The following CDC14A variants were observed in gnomAD, a reference collection of about 807,000 sequenced individuals.
CDC14A encodes dual specificity protein phosphatase CDC14A.
In CDC14A, 53 loss-of-function variants were observed where a neutral mutation model predicts 74.4. That is an observed-to-expected ratio of 0.71 (90% CI 0.57 to 0.89). CDC14A has a LOEUF of 0.89. CDC14A is among the 40% of genes least tolerant of loss of function. The pLI, the probability that CDC14A is intolerant of heterozygous loss-of-function variation, is 0.00. For synonymous variants in CDC14A, 247 were observed against 258.4 expected (o/e 0.96, Z 0.43); for missense variants, 646 against 713.7 (o/e 0.91, Z 1.08).
Position 100,494,837 on chromosome 1 carries a change from A to C in CDC14A, c.1157A>C (p.Asp386Ala). 6.2e-7 allele frequency: 1 copy of C among 1,610,268 alleles called. No individual in the cohort carries two copies. Among genetic ancestry groups the C allele is most frequent in the Non-Finnish European group, 8.5e-7 (1 of 1,176,852 alleles). ...TTCCAGGATAACTTAGAAGATGATGATGTGGAAATGAAAAATGGTATAACC... is the reference window on the plus strand; with the variant it reads ...TTCCAGGATAACTTAGAAGATGATGCTGTGGAAATGAAAAATGGTATAACC... ...RFGEDNLEDD[D>A]VEMKNGITQG... Residue 386 changes from aspartate (D) to alanine (A), a missense_variant, in exon 12 of 16, where the codon GAT becomes GCT. Coordinates refer to ENST00000336454, the MANE Select transcript of CDC14A (RefSeq NM_003672.4).
intron 2 of CDC14A, among the ~76,000 whole-genome samples, chr1:100,374,727 CAT>C (rs1654998895): frequency 6.6e-6 from 1 of 152,054 alleles, no homozygotes; most frequent in Non-Finnish European, 1.5e-5. Context: ...AATGTAATGA[CAT>C]AGTTATGATA....
chr1:100,393,223 C>G, intron 4 of CDC14A: 1 of 1,589,006 alleles, frequency 6.3e-7, no homozygotes, highest in Non-Finnish European at 8.6e-7. Context: ...CAGTTTAAAT[C>G]TTGAATATGT....
At chr1:100,495,022 G>A in intron 12 of CDC14A, 92 bp downstream of exon 12, 2 of 682,334 alleles carry the variant, frequency 2.9e-6, no homozygotes, top group Non-Finnish European at 5.0e-6. Flanking sequence ...CTTCTGTTTT[G>A]AATTTTGTTC....
chr1:100,345,999 T>G (rs1279647414), intron 1 of CDC14A, among the ~76,000 whole-genome samples: 2 of 151,964 alleles, frequency 1.3e-5, no homozygotes, highest in Non-Finnish European at 2.9e-5. Flanking sequence ...AGTGAAACCC[T>G]GTCTCTACTA....
At chr1:100,401,209 ATTAT>A (rs1488794228) in intron 4 of CDC14A, among the ~76,000 whole-genome samples, 1 of 152,200 alleles carries the variant, frequency 6.6e-6, no homozygotes, top group Non-Finnish European at 1.5e-5. Context: ...AGCACTTGAA[ATTAT>A]TTATTTACCA....
intron 4 of CDC14A, among the ~76,000 whole-genome samples, chr1:100,410,376 C>A (rs947032052): frequency 6.6e-6 from 1 of 152,150 alleles, no homozygotes; most frequent in South Asian, 2.1e-4. Flanking sequence ...GGCTGGTGTG[C>A]GGTGGCACAA....
intron 5 of CDC14A, among the ~76,000 whole-genome samples, chr1:100,435,048 G>A (rs991412874): frequency 6.6e-6 from 1 of 152,198 alleles, no homozygotes; most frequent in Non-Finnish European, 1.5e-5. Flanking sequence ...TTGAGGTGGG[G>A]CCCAGCAGCC....
At chr1:100,352,365 C>A, upstream of CDC14A, 1 of 662,614 alleles carries the variant, frequency 1.5e-6, no homozygotes. Flanking sequence ...AGGAGCGGGG[C>A]TGTCCCTTTA....
At chr1:100,431,975 AT>A (rs1474642705) in intron 5 of CDC14A, among the ~76,000 whole-genome samples, 4 of 152,106 alleles carry the variant, frequency 2.6e-5, no homozygotes, top group Non-Finnish European at 5.9e-5. Flanking sequence ...TATTCTGCTG[AT>A]TTCAGGTGAC....
At chr1:100,487,350 G>A (rs143811504) in intron 11 of CDC14A, among the ~76,000 whole-genome samples, 2 of 152,230 alleles carry the variant, frequency 1.3e-5, no homozygotes, top group African/African-American at 2.4e-5. Context: ...CTTGAGGTCA[G>A]GAGTTTGAGA....
chr1:100,429,441 T>C (rs898196553), intron 5 of CDC14A, among the ~76,000 whole-genome samples: 1 of 150,836 alleles, frequency 6.6e-6, no homozygotes, highest in African/African-American at 2.4e-5. Flanking sequence ...TTTAGTTTTT[T>C]CCTAAAGCTT....
intron 4 of CDC14A, among the ~76,000 whole-genome samples, chr1:100,406,797 G>T (rs1659999019): frequency 1.3e-5 from 2 of 151,930 alleles, no homozygotes; most frequent in African/African-American, 4.8e-5. Context: ...TTGGTGGTGG[G>T]TGCCTGTAAT....
At chr1:100,392,116 T>C (rs1247009790) in intron 4 of CDC14A, among the ~76,000 whole-genome samples, 2 of 152,178 alleles carry the variant, frequency 1.3e-5, no homozygotes, top group African/African-American at 4.8e-5. Context: ...TTCCTTTCAG[T>C]TCTTAGGATA....
At chr1:100,471,394 A>G (rs1668383441) in intron 10 of CDC14A, among the ~76,000 whole-genome samples, 1 of 152,182 alleles carries the variant, frequency 6.6e-6, no homozygotes, top group South Asian at 2.1e-4. Flanking sequence ...GCCTTAAACA[A>G]TTAGAAAATA....
At chr1:100,415,275 A>G (rs1661391105) in intron 4 of CDC14A, among the ~76,000 whole-genome samples, 1 of 152,200 alleles carries the variant, frequency 6.6e-6, no homozygotes, top group African/African-American at 2.4e-5. Flanking sequence ...TCAAATAAAT[A>G]AAGTCTGCTG....
intron 5 of CDC14A, among the ~76,000 whole-genome samples, chr1:100,438,065 T>TA (rs1043954465): frequency 1.3e-5 from 2 of 152,118 alleles, no homozygotes; most frequent in African/African-American, 4.8e-5. Context: ...ATGTTGTAAA[T>TA]AAACTGTAGT....
intron 4 of CDC14A, among the ~76,000 whole-genome samples, chr1:100,401,077 C>T (rs1441257551): frequency 2.0e-5 from 3 of 152,208 alleles, no homozygotes; most frequent in Admixed American, 6.5e-5. Flanking sequence ...TTTGGAATAA[C>T]ATATACTTTC....
chr1:100,492,700 A>G (rs1259860403), intron 11 of CDC14A, among the ~76,000 whole-genome samples: 1 of 152,114 alleles, frequency 6.6e-6, no homozygotes, highest in Admixed American at 6.5e-5. Context: ...TGCATTTAGG[A>G]AAAGATAATG....
At chr1:100,443,667 T>C (rs1665209791) in intron 7 of CDC14A, among the ~76,000 whole-genome samples, 1 of 152,194 alleles carries the variant, frequency 6.6e-6, no homozygotes, top group Non-Finnish European at 1.5e-5. Context: ...ATAAATTTTA[T>C]TTTGAAATAT....
Sources: gnomAD v4.1 joint callset for allele counts (sites outside exome capture counted in the v4.1 genomes callset) on GRCh38, gnomAD v4.1.1 for gene constraint, MANE v1.5 for transcripts, NCBI Gene and HGNC (gene_info 2026-07-23, HGNC 2026-07-21) for gene names.